Variants in TLN1 observed in about 807,000 individuals in gnomAD.
The protein encoded by TLN1 is talin 1, also known as talin-1.
Under a neutral mutation model 292.3 loss-of-function variants are expected in TLN1, and 56 were observed. The observed-to-expected ratio is 0.19, with a 90% confidence interval of 0.15 to 0.24. TLN1 has a LOEUF of 0.24. Among genes scored for constraint, TLN1 ranks in the 10% least tolerant of loss-of-function variants. The pLI, the probability that TLN1 is intolerant of heterozygous loss-of-function variation, is 1.00. For synonymous variants in TLN1, 1,119 were observed against 1,253.7 expected, an observed-to-expected ratio of 0.89 and a Z score of 2.27; for missense variants, 2,433 against 3,248.2, an observed-to-expected ratio of 0.75 and a Z score of 6.10.
In TLN1 at chr9:35,717,985, A is replaced by G. The variant is rs1197196661; in HGVS notation, c.1996-199T>C. On this transcript the variant is annotated intron_variant, in intron 17 of 56. Transcript: ENST00000314888. This position sits in a 1 kb window ranked among gnomAD's most constrained non-coding sequence, Gnocchi z 4.7. Reference sequence around the variant, plus strand: ...CCCACCGAGGAACAAACCCACACCAAGAGAAAATACAGCCTACACCAAATG... The same window carrying G: ...CCCACCGAGGAACAAACCCACACCAGGAGAAAATACAGCCTACACCAAATG... Among the ~76,000 whole-genome samples, 1 of 152,136 alleles carries G rather than the reference A, an allele frequency of 6.6e-6. No individual in the cohort carries two copies. The highest frequency in any genetic ancestry group is 2.4e-5 in the African/African-American group (1 of 41,410).
At position 35,714,113 on chromosome 9, in the gene TLN1, G is replaced by A. The variant is rs1429339193; in HGVS notation, c.3121-32C>T. On this transcript the variant is annotated intron_variant, in intron 24 of 56. Coordinates refer to ENST00000314888, the MANE Select transcript of TLN1 (RefSeq NM_006289.4). This position sits in a 1 kb window ranked among gnomAD's most constrained non-coding sequence, Gnocchi z 4.6. ...TAAGAAAGGGGTTTTGGGTGTAGAA[G>A]GTCCTGCTGTGTCTCACCAATGCCT... is the stretch of plus-strand genomic sequence containing the variant. The A allele has an allele frequency of 6.2e-7, 1 of 1,611,320 alleles. No homozygotes were observed. Among genetic ancestry groups the A allele is most frequent in the Non-Finnish European group, 8.5e-7 (1 of 1,177,754 alleles).
chr9:35,697,920 A>G lies in TLN1; in HGVS notation c.7501-4T>C. On this transcript the variant is annotated splice_region_variant and splice_polypyrimidine_tract_variant and intron_variant, in intron 56 of 56. Coordinates refer to ENST00000314888, the MANE Select transcript of TLN1 (RefSeq NM_006289.4). Reference sequence around the variant, plus strand: ...TTTCTTCCTGTGCTGCGATGATCTGAGGGTGGAGATCGGGGACTTAGTTCA... The same window carrying G: ...TTTCTTCCTGTGCTGCGATGATCTGGGGGTGGAGATCGGGGACTTAGTTCA... The G allele has an allele frequency of 1.2e-6, 2 of 1,614,022 alleles. No homozygotes were observed. The highest frequency in any genetic ancestry group is 2.7e-5 in the African/African-American group (2 of 74,976).
chr9:35,725,272 T>C lies in TLN1; in HGVS notation c.180A>G (p.Ile60Met), dbSNP rs765151284. The change falls in exon 3 of 57, where the codon ATA becomes ATG. Residue 60 changes from isoleucine to methionine, a missense_variant. Coordinates refer to ENST00000314888, the MANE Select transcript of TLN1 (RefSeq NM_006289.4). ...CCAAAGCTTTCCCAGCCTCCAGCCA[T>C]ATACCCTTTTTGGGGTCATCATCTG... Reference protein sequence around the residue: ...FLSDDDPKKGIWLEAGKALDY... With the variant: ...FLSDDDPKKGMWLEAGKALDY... The C allele has an allele frequency of 6.2e-7, 1 of 1,614,172 alleles. No homozygotes were observed. Among genetic ancestry groups the C allele is most frequent in the Non-Finnish European group, 8.5e-7 (1 of 1,180,030 alleles).
chr9:35,704,705 C>A lies in TLN1; in HGVS notation c.5844G>T (p.Lys1948Asn), dbSNP rs750149814. Residue 1948 changes from lysine (K) to asparagine (N), a missense_variant, in exon 44 of 57, where the codon AAG becomes AAT. By Grantham distance (94) the Lys-to-Asn change is moderately conservative (BLOSUM62 0). Coordinates refer to ENST00000314888, the MANE Select transcript of TLN1 (RefSeq NM_006289.4). This position sits in a 1 kb window ranked among gnomAD's most constrained non-coding sequence, Gnocchi z 6.9. ...QCSPSDAYTK[K>N]ELIECARRVS... ...CTCTCCGGGCACACTCTATGAGCTCCTTCTTGGTGTAGGCATCACTGGGGC... is the reference window on the plus strand; with the variant it reads ...CTCTCCGGGCACACTCTATGAGCTCATTCTTGGTGTAGGCATCACTGGGGC... 2 of 1,614,164 alleles carry A rather than the reference C, an allele frequency of 1.2e-6. No homozygotes were observed. Among genetic ancestry groups the A allele is most frequent in the Non-Finnish European group, 8.5e-7 (1 of 1,180,038 alleles).
In TLN1 at chr9:35,720,896, T is replaced by C. The variant is rs772485141; in HGVS notation, c.1122A>G (p.Gln374=). ...TTGTCTGTACTGAGTAATAGCCATC[T>C]TGGTAATCTCCAAAATCCTAGGGTG... ...KSFTLDFGDY[Q]DGYYSVQTTE... Residue 374 remains glutamine, a synonymous_variant, in exon 11 of 57, where the codon CAA becomes CAG. Coordinates refer to ENST00000314888, the MANE Select transcript of TLN1 (RefSeq NM_006289.4). 1.9e-6 allele frequency: 3 copies of C among 1,614,094 alleles called. No individual in the cohort carries two copies. In the Admixed American group the frequency reaches 5.0e-5, roughly 27 times the overall value.
At chr9:35,725,849 G>A (rs752764815) in intron 1 of TLN1, 122 bp from the exon 2 acceptor site, 29 of 774,690 alleles carry the variant, frequency 3.7e-5, no homozygotes, top group Non-Finnish European at 5.6e-5. Flanking sequence ...TGGTAATAAG[G>A]TTGTTTTCAT....
chr9:35,721,732 C>T lies in TLN1; in HGVS notation c.1020G>A (p.Val340=). ...GGATCACTTCCTTGGTCTTCTCATC[C>T]ACTCGCATCACACACTCCTTGGTGA... ...LGITKECVMR[V]DEKTKEVIQE... Residue 340 remains valine (V), a synonymous_variant, in exon 10 of 57, where the codon GTG becomes GTA. Transcript: ENST00000314888. 9 of 1,614,120 alleles carry T rather than the reference C, an allele frequency of 5.6e-6. No homozygotes were observed. Among genetic ancestry groups the T allele is most frequent in the Admixed American group, 1.7e-5 (1 of 60,024 alleles).
intron 56 of TLN1, 29 bp from the exon 57 acceptor site, chr9:35,697,945 AG>A: frequency 6.2e-7 from 1 of 1,613,958 alleles, no homozygotes; most frequent in Admixed American, 1.7e-5. Context: ...GACTTAGTTC[AG>A]TGAGGATGCA....
rs368000870 is a variant in TLN1, at chr9:35,703,914, C to T, written c.6232-14G>A. 9.3e-6 allele frequency: 15 copies of T among 1,613,944 alleles called. No individual in the cohort carries two copies. Among genetic ancestry groups the T allele is most frequent in the African/African-American group, 5.3e-5 (4 of 74,912 alleles). On this transcript the variant is annotated splice_polypyrimidine_tract_variant and intron_variant, in intron 46 of 56. Transcript: ENST00000314888. ...GATTAGTACCACCTGTGTGGGAAAG[C>T]GTTGGCTCTGGTCTATGGGAGGAAG...
At chr9:35,700,893 C>T (rs1296162783) in intron 48 of TLN1, among the ~76,000 whole-genome samples, 1 of 152,174 alleles carries the variant, frequency 6.6e-6, no homozygotes, top group Non-Finnish European at 1.5e-5. Context: ...AGATTCTATG[C>T]AAGGGGCTAG....
At chr9:35,712,183 A>T in intron 27 of TLN1, 59 bp from the exon 28 acceptor site, 1 of 1,562,216 alleles carries the variant, frequency 6.4e-7, no homozygotes, top group Non-Finnish European at 8.7e-7. Context: ...GATCGCCTCC[A>T]TTCACGCGAC....
intron 1 of TLN1, among the ~76,000 whole-genome samples, 187 bp from the exon 2 acceptor site, chr9:35,725,914 T>C (rs970912210): frequency 7.2e-5 from 11 of 152,130 alleles, no homozygotes; most frequent in Non-Finnish European, 1.5e-5. Flanking sequence ...GAATGAGTCC[T>C]GACAATTTTT....
Position 35,719,892 on chromosome 9 carries a change from G to A in TLN1, c.1465-39C>T. 1 of 1,569,024 alleles carries A rather than the reference G, an allele frequency of 6.4e-7. No individual in the cohort carries two copies. Among genetic ancestry groups the A allele is most frequent in the East Asian group, 2.3e-5 (1 of 42,900 alleles). On this transcript the variant is annotated intron_variant, in intron 13 of 56. Transcript: ENST00000314888. This position sits in a 1 kb window ranked among gnomAD's most constrained non-coding sequence, Gnocchi z 4.6. ...GGGAGAAACAGGGACTGGAATGGAT[G>A]TTTGGAGAAAAGAGAAGGTAAAAGA...
chr9:35,713,866 G>A, intron 25 of TLN1, 87 bp downstream of exon 25: 2 of 1,398,250 alleles, frequency 1.4e-6, no homozygotes, highest in Non-Finnish European at 9.7e-7. Context: ...AAAAAGGAAG[G>A]AAGGAAAGGT....
intron 48 of TLN1, 77 bp from the exon 49 acceptor site, chr9:35,700,453 AT>A: frequency 2.8e-6 from 4 of 1,450,558 alleles, no homozygotes; most frequent in Non-Finnish European, 3.7e-6. Context: ...TGTGCATGTG[AT>A]TTGGTGCAGA....
chr9:35,720,423 C>T lies in TLN1; in HGVS notation c.1283+10G>A, dbSNP rs1369976336. On this transcript the variant is annotated intron_variant, in intron 12 of 56. Transcript: ENST00000314888. The stretch of plus-strand genomic sequence containing the variant: ...CCTGGGAAATGGGATCAGCCCAACT[C>T]CCTTCGTACTTTTTGGGGGACACTG... 1.3e-5 allele frequency: 21 copies of T among 1,613,906 alleles called. No individual in the cohort carries two copies. Among genetic ancestry groups the T allele is most frequent in the Non-Finnish European group, 1.5e-5 (18 of 1,179,938 alleles).
At position 35,720,468 on chromosome 9, in the gene TLN1, C is replaced by T; in HGVS notation, c.1248G>A (p.Glu416=). The T allele has an allele frequency of 1.9e-6, 3 of 1,614,166 alleles. No individual in the cohort carries two copies. The highest frequency in any genetic ancestry group is 2.5e-6 in the Non-Finnish European group (3 of 1,180,034). ...KDHFGLEGDE[E]STMLEDSVSP... is the part of the protein sequence containing the mutation. ...ACACTGAGTCCTCCAGCATAGTAGACTCCTCATCTCCTTCCAGCCCAAAGT... is the reference window on the plus strand; with the variant it reads ...ACACTGAGTCCTCCAGCATAGTAGATTCCTCATCTCCTTCCAGCCCAAAGT... The change falls in exon 12 of 57, where the codon GAG becomes GAA. Residue 416 remains glutamate, a synonymous_variant. Coordinates refer to ENST00000314888, the MANE Select transcript of TLN1 (RefSeq NM_006289.4).
chr9:35,728,343 A>T (rs1826014231), intron 1 of TLN1, among the ~76,000 whole-genome samples: 1 of 152,084 alleles, frequency 6.6e-6, no homozygotes, highest in Non-Finnish European at 1.5e-5. Flanking sequence ...GGGGAGTAAC[A>T]CTCAGTCTGT....
rs201537122 is a variant in TLN1 at position 35,707,791 on chromosome 9, C to T, written c.4572G>A (p.Gln1524=). The T allele has an allele frequency of 6.2e-7, 1 of 1,614,182 alleles. No individual in the cohort carries two copies. The highest frequency in any genetic ancestry group is 1.3e-5 in the African/African-American group (1 of 75,022). Residue 1524 remains glutamine (Q), a synonymous_variant, in exon 35 of 57, where the codon CAG becomes CAA. Transcript: ENST00000314888. The surrounding 1 kb of genome is among the most constrained non-coding windows in gnomAD (Gnocchi z 5.6). The part of the protein sequence containing the change: ...ARTTNPTAKR[Q]FVQSAKEVAN... The stretch of plus-strand genomic sequence containing the variant: ...CCACCTCCTTGGCTGACTGTACAAA[C>T]TGGCGCTTGGCAGTAGGATTGGTGG...
Sources: allele counts gnomAD v4.1 joint callset (sites outside exome capture counted in the v4.1 genomes callset), GRCh38; gene constraint gnomAD v4.1.1; non-coding constraint Gnocchi (gnomAD v3.1); transcripts MANE v1.5; gene names NCBI Gene and HGNC (gene_info 2026-07-23, HGNC 2026-07-21).